C3orf20: variants seen among roughly 807,000 people sequenced by gnomAD.
The protein encoded by C3orf20 is family with sequence similarity 149 member C.
In C3orf20, 76 loss-of-function variants were observed where a neutral mutation model predicts 88.3. The observed-to-expected ratio is 0.86, with a 90% confidence interval of 0.72 to 1.04. The LOEUF (loss-of-function observed/expected upper bound fraction) is 1.04. C3orf20 is among the 50% of genes least tolerant of loss of function. The pLI is 0.00. For missense variants in C3orf20, 1,056 were observed against 1,123.3 expected, an observed-to-expected ratio of 0.94 and a Z score of 0.86; for synonymous variants, 436 against 437.4, an observed-to-expected ratio of 1.00 and a Z score of 0.04.
At position 14,741,340 on chromosome 3, in the gene C3orf20, G is replaced by A. The variant is rs146815605; in HGVS notation, c.1940+12652G>A. On this transcript the variant is annotated intron_variant, in intron 12 of 16. Coordinates refer to ENST00000253697, the MANE Select transcript of C3orf20 (RefSeq NM_032137.5). ...CTCTAGCTTCGTGAACATGTCAGGAGCTCTGCTTGGCTTCTCTGCCTGTCA... is the reference window on the plus strand; with the variant it reads ...CTCTAGCTTCGTGAACATGTCAGGAACTCTGCTTGGCTTCTCTGCCTGTCA... Among the ~76,000 whole-genome samples the A allele has an allele frequency of 5.4e-3, 816 of 152,202 alleles. 4 individuals are homozygous for A. The highest frequency in any genetic ancestry group is 0.017 in the African/African-American group (712 of 41,520).
At chr3:14,757,340 G>A in intron 12 of C3orf20, 31 bp from the exon 13 acceptor site, 1 of 1,577,750 alleles carries the variant, frequency 6.3e-7, no homozygotes, top group African/African-American at 1.4e-5. Context: ...CACCTTCTGA[G>A]GGTCCCTGTG....
intron 1 of C3orf20, among the ~76,000 whole-genome samples, chr3:14,681,500 T>G (rs774538669): frequency 1.3e-5 from 2 of 152,100 alleles, no homozygotes; most frequent in South Asian, 4.1e-4. Context: ...GTTGTTGGAG[T>G]TGGGCAACAG....
intron 12 of C3orf20, among the ~76,000 whole-genome samples, chr3:14,747,961 T>G (rs139512254): frequency 0.011 from 1,646 of 152,192 alleles, 19 homozygotes; most frequent in African/African-American, 0.038. Flanking sequence ...GTTTTTCTTT[T>G]TTGTAGTGTC....
At chr3:14,703,289 G>T in intron 6 of C3orf20, 27 bp downstream of exon 6, 1 of 1,613,028 alleles carries the variant, frequency 6.2e-7, no homozygotes. Flanking sequence ...TTGGGTCGGG[G>T]GAGTCAAGGG....
chr3:14,720,533 GGTT>G (rs199995038), intron 9 of C3orf20, among the ~76,000 whole-genome samples: 32,384 of 149,038 alleles, frequency 0.22, 3,515 homozygotes, highest in African/African-American at 0.24. Flanking sequence ...AGCAGAGAGT[GGTT>G]GTTGTTGTTG....
chr3:14,704,014 C>T (rs574826098), intron 6 of C3orf20, among the ~76,000 whole-genome samples: 1 of 152,226 alleles, frequency 6.6e-6, no homozygotes, highest in East Asian at 1.9e-4. Flanking sequence ...GCTCTCTTCC[C>T]CACAACCTCA....
rs535956843 is a variant in C3orf20, at chr3:14,701,579, C to T, written c.746-1551C>T. Among the ~76,000 whole-genome samples the T allele has an allele frequency of 6.4e-4, 97 of 152,220 alleles. No homozygotes were observed. The highest frequency in any genetic ancestry group is 3.3e-3 in the South Asian group (16 of 4,820). On this transcript the variant is annotated intron_variant, in intron 5 of 16. Transcript: ENST00000253697. The surrounding 1 kb of genome is among the most constrained non-coding windows in gnomAD (Gnocchi z 4.6). ...GAAAATTAGTATCACAGGCACAGAT[C>T]GTTGTCATCCAGGTCATGCAGATCA...
At chr3:14,696,193 A>G (rs2032991542) in intron 5 of C3orf20, among the ~76,000 whole-genome samples, 1 of 150,186 alleles carries the variant, frequency 6.7e-6, no homozygotes, top group Non-Finnish European at 1.5e-5. Context: ...TGCAAATACT[A>G]TCCTATAACT....
At chr3:14,747,186 C>A (rs1390802077) in intron 12 of C3orf20, among the ~76,000 whole-genome samples, 1 of 152,188 alleles carries the variant, frequency 6.6e-6, no homozygotes, top group East Asian at 1.9e-4. Context: ...CAGTTACTGA[C>A]TGAAATTTTG....
chr3:14,765,520 C>T (rs1043859955), intron 15 of C3orf20: 7 of 152,314 alleles, frequency 4.6e-5, no homozygotes, highest in Non-Finnish European at 8.8e-5. Flanking sequence ...AGCTTTGCAT[C>T]TAGAGTGCTA....
At chr3:14,741,082 C>G (rs529253166) in intron 12 of C3orf20, among the ~76,000 whole-genome samples, 6 of 152,338 alleles carry the variant, frequency 3.9e-5, no homozygotes, top group Admixed American at 1.3e-4. Context: ...TGGATGATAT[C>G]ATGTTCCTCT....
chr3:14,745,921 C>T (rs981262595), intron 12 of C3orf20, among the ~76,000 whole-genome samples: 1 of 152,170 alleles, frequency 6.6e-6, no homozygotes, highest in Non-Finnish European at 1.5e-5. Flanking sequence ...ATACAACCAT[C>T]ACCACTATTT....
chr3:14,685,154 G>T (rs1020648268), intron 4 of C3orf20, among the ~76,000 whole-genome samples: 1 of 152,228 alleles, frequency 6.6e-6, no homozygotes, highest in African/African-American at 2.4e-5. Flanking sequence ...TCACGAAAAT[G>T]AGTGAGGCAC....
intron 14 of C3orf20, 119 bp downstream of exon 14, chr3:14,760,117 A>G: frequency 6.5e-6 from 5 of 771,838 alleles, no homozygotes; most frequent in Middle Eastern, 3.5e-4. Flanking sequence ...GGGGCTGCGG[A>G]ATTATCTCCC....
At chr3:14,758,709 T>C (rs1025833038) in intron 13 of C3orf20, among the ~76,000 whole-genome samples, 1 of 152,280 alleles carries the variant, frequency 6.6e-6, no homozygotes, top group African/African-American at 2.4e-5. Context: ...CTCCCAGAAG[T>C]GGCCCCTCCC....
intron 12 of C3orf20, among the ~76,000 whole-genome samples, chr3:14,734,618 T>C (rs1459021794): frequency 6.6e-6 from 1 of 152,164 alleles, no homozygotes; most frequent in East Asian, 1.9e-4. Flanking sequence ...ACATAGTCAA[T>C]TTTGGTAAAT....
rs1176842791 is a variant in C3orf20, at chr3:14,721,503, A to G, written c.1435-150A>G. The G allele has an allele frequency of 2.3e-5, 27 of 1,153,544 alleles. No homozygotes were observed. In the East Asian group the frequency reaches 5.1e-4, roughly 22 times the overall value. The allele number at this position is 1,153,544 out of a possible 1,614,324, so 71.5% of individuals were successfully genotyped here. On this transcript the variant is annotated intron_variant, in intron 9 of 16. Transcript: ENST00000253697. Reference sequence around the variant, plus strand: ...AACCTGGAATTTTTCTGTCTTCTCCATGAAGCGGAATTCTAACATAAGAAC... The same window carrying G: ...AACCTGGAATTTTTCTGTCTTCTCCGTGAAGCGGAATTCTAACATAAGAAC...
In C3orf20 at chr3:14,714,163, A is replaced by G; in HGVS notation, c.1313+4A>G. 3 of 1,613,532 alleles carry G rather than the reference A, an allele frequency of 1.9e-6. No individual in the cohort carries two copies. Among genetic ancestry groups the G allele is most frequent in the Non-Finnish European group, 2.5e-6 (3 of 1,179,956 alleles). On this transcript the variant is annotated splice_donor_region_variant and intron_variant, in intron 8 of 16. Coordinates refer to ENST00000253697, the MANE Select transcript of C3orf20 (RefSeq NM_032137.5). ...TTCACTACAACCTAAAAACCAGGTA[A>G]GTGGACTGGGAGAGTACTAGTCACA...
At chr3:14,733,473 G>A (rs1167018869) in intron 12 of C3orf20, among the ~76,000 whole-genome samples, 1 of 152,028 alleles carries the variant, frequency 6.6e-6, no homozygotes, top group African/African-American at 2.4e-5. Context: ...TTATATGGTG[G>A]ACTTTGTGTA....
Sources: gnomAD v4.1 joint callset for allele counts (sites outside exome capture counted in the v4.1 genomes callset) on GRCh38, gnomAD v4.1.1 for gene constraint, Gnocchi (gnomAD v3.1) non-coding constraint, MANE v1.5 for transcripts, NCBI Gene and HGNC (gene_info 2026-07-23, HGNC 2026-07-21) for gene names.